Variants in DLGAP2 observed in about 807,000 individuals in gnomAD.
DLGAP2 encodes the protein DLG associated protein 2.
A neutral mutation model predicts 100.3 loss-of-function variants in DLGAP2; 26 were observed. The observed-to-expected ratio is 0.26, with a 90% CI of 0.19 to 0.36. DLGAP2 has a LOEUF of 0.36. Ranked by LOEUF, DLGAP2 falls within the 10% of genes least tolerant of loss-of-function variation. The pLI, the probability that DLGAP2 is intolerant of heterozygous loss-of-function variation, is 1.00. For missense variants in DLGAP2, 1,858 were observed against 1,453.2 expected, an observed-to-expected ratio of 1.28 and a Z score of -4.53; for synonymous variants, 886 against 630.1, an observed-to-expected ratio of 1.41 and a Z score of -6.08.
chr8:869,367 TC>T (rs1223733287), intron 1 of DLGAP2, among the ~76,000 whole-genome samples: 8 of 152,216 alleles, frequency 5.3e-5, no homozygotes, highest in Admixed American at 2.0e-4. Context: ...AGATCCTGAA[TC>T]CGAGATTTAT....
At chr8:748,459 G>A (rs553365222) in intron 1 of DLGAP2, among the ~76,000 whole-genome samples, 1 of 152,246 alleles carries the variant, frequency 6.6e-6, no homozygotes, top group East Asian at 1.9e-4. Flanking sequence ...TGGGCCATGT[G>A]GGCGTTGGTG....
intron 2 of DLGAP2, among the ~76,000 whole-genome samples, chr8:1,191,241 G>T (rs556381941): frequency 3.6e-5 from 2 of 56,254 alleles, no homozygotes; most frequent in Non-Finnish European, 9.9e-5. Context: ...GCGCGATCTC[G>T]GCTCACTGCA....
chr8:1,291,310 A>G (rs1469054315), intron 3 of DLGAP2, among the ~76,000 whole-genome samples: 1 of 152,172 alleles, frequency 6.6e-6, no homozygotes, highest in African/African-American at 2.4e-5. Context: ...TGGACTCAAG[A>G]TAAAGGGATG....
rs1799592631 is a variant in DLGAP2, at chr8:1,702,192, A to T, written c.*786A>T. The T allele has an allele frequency of 2.0e-5, 3 of 152,100 alleles. No homozygotes were observed. Among genetic ancestry groups the T allele is most frequent in the African/African-American group, 7.2e-5 (3 of 41,450 alleles). The allele number at this position is 152,100 out of a possible 1,614,324, so 9.4% of individuals were successfully genotyped here. On this transcript the variant is annotated 3_prime_UTR_variant, in exon 15 of 15. Transcript: ENST00000637795. Reference sequence around the variant, plus strand: ...AGGGCTGGGAGCTTAAAAGGAAAACAATGTCCTTACTTGTAAACAGTTATT... The same window carrying T: ...AGGGCTGGGAGCTTAAAAGGAAAACTATGTCCTTACTTGTAAACAGTTATT...
At chr8:1,492,221 T>A (rs567046542) in intron 3 of DLGAP2, among the ~76,000 whole-genome samples, 62 of 152,324 alleles carry the variant, frequency 4.1e-4, no homozygotes, top group African/African-American at 1.4e-3. Context: ...TAGTAATCAT[T>A]ACGGCAGTGG....
At chr8:1,346,086 C>T (rs775784334) in intron 3 of DLGAP2, among the ~76,000 whole-genome samples, 18 of 152,124 alleles carry the variant, frequency 1.2e-4, no homozygotes, top group Non-Finnish European at 1.6e-4. Flanking sequence ...GTTGAGTGCC[C>T]GGCAGAGCTG....
chr8:1,413,486 C>G (rs550167328), intron 3 of DLGAP2, among the ~76,000 whole-genome samples: 1 of 152,236 alleles, frequency 6.6e-6, no homozygotes, highest in East Asian at 1.9e-4. Context: ...CTTAGATTCT[C>G]AAAAAGTTGT....
intron 3 of DLGAP2, among the ~76,000 whole-genome samples, chr8:1,293,845 C>G (rs1422766939): frequency 1.3e-5 from 2 of 152,084 alleles, no homozygotes; most frequent in Non-Finnish European, 2.9e-5. Context: ...ATCTGTTATT[C>G]TTATTGAGCA....
chr8:1,413,866 C>G (rs1027445332), intron 3 of DLGAP2, among the ~76,000 whole-genome samples: 4 of 152,148 alleles, frequency 2.6e-5, no homozygotes, highest in East Asian at 3.9e-4. Flanking sequence ...TGCAGATGCA[C>G]AATGTCAATG....
At chr8:905,991 C>T (rs1684973145) in intron 1 of DLGAP2, among the ~76,000 whole-genome samples, 1 of 152,248 alleles carries the variant, frequency 6.6e-6, no homozygotes, top group South Asian at 2.1e-4. Context: ...TTCTTCAAGA[C>T]ATGTCTGTGG....
rs1227426141 is a variant in DLGAP2 at position 1,705,275 on chromosome 8, C to T, written c.*3869C>T. On this transcript the variant is annotated 3_prime_UTR_variant, in exon 15 of 15. Transcript: ENST00000637795. ...CCATCAAGCCAAGCCTCCTGTGGTCCTGAGCATGAAGGGGCCAGGGGACCT... is the reference window on the plus strand; with the variant it reads ...CCATCAAGCCAAGCCTCCTGTGGTCTTGAGCATGAAGGGGCCAGGGGACCT... 2.0e-5 allele frequency: 3 copies of T among 152,234 alleles called. No homozygotes were observed. 9.4% of individuals were successfully genotyped at this position (152,234 alleles called of 1,614,324 possible). A position where few individuals can be genotyped will look rare whatever the true frequency, so the allele number is the denominator to read the frequency against.
chr8:1,702,955 G>A lies in DLGAP2; in HGVS notation c.*1549G>A, dbSNP rs1799613622. ...GCTTTCGATGACCCCATAGCACTTT[G>A]TTTCTTCGCCTTGATTTGCACTTTA... is the stretch of plus-strand genomic sequence containing the variant. On this transcript the variant is annotated 3_prime_UTR_variant, in exon 15 of 15. Transcript: ENST00000637795. The A allele has an allele frequency of 1.3e-5, 2 of 152,660 alleles. No homozygotes were observed. The highest frequency in any genetic ancestry group is 4.8e-5 in the African/African-American group (2 of 41,442). 9.5% of individuals were successfully genotyped at this position (152,660 alleles called of 1,614,324 possible).
At chr8:1,287,135 T>C (rs1200836851) in intron 3 of DLGAP2, among the ~76,000 whole-genome samples, 3 of 102,442 alleles carry the variant, frequency 2.9e-5, no homozygotes, top group African/African-American at 1.1e-4. Flanking sequence ...GTTCAGCGTG[T>C]GTGTGTGTGT....
intron 3 of DLGAP2, among the ~76,000 whole-genome samples, chr8:1,491,045 TA>T (rs1799364675): frequency 1.9e-4 from 3 of 15,754 alleles, no homozygotes; most frequent in East Asian, 2.6e-3. Context: ...TTTAAAAAAA[TA>T]AAATAAAATA....
chr8:916,146 C>T (rs187363614), intron 2 of DLGAP2, among the ~76,000 whole-genome samples: 25 of 152,240 alleles, frequency 1.6e-4, no homozygotes, highest in South Asian at 2.1e-4. Context: ...GTAGACGCTC[C>T]GCACTCTCTT....
intron 2 of DLGAP2, among the ~76,000 whole-genome samples, chr8:1,178,814 G>A (rs1471127528): frequency 1.3e-5 from 2 of 152,198 alleles, no homozygotes; most frequent in Non-Finnish European, 1.5e-5. Context: ...CCCACCGCCA[G>A]CATCTGTCCA....
intron 2 of DLGAP2, among the ~76,000 whole-genome samples, chr8:934,549 C>T (rs1352607544): frequency 1.3e-5 from 2 of 152,170 alleles, no homozygotes; most frequent in African/African-American, 4.8e-5. Context: ...GAGTCAGCTG[C>T]GCCTCCCAGG....
chr8:801,838 C>T (rs1033559796), intron 1 of DLGAP2, among the ~76,000 whole-genome samples: 1 of 152,122 alleles, frequency 6.6e-6, no homozygotes, highest in African/African-American at 2.4e-5. Flanking sequence ...TTGCTCGCCA[C>T]CCAGGTGGCT....
intron 4 of DLGAP2, among the ~76,000 whole-genome samples, chr8:1,540,616 G>A (rs544062129): frequency 1.3e-5 from 2 of 152,210 alleles, no homozygotes; most frequent in Non-Finnish European, 2.9e-5. Context: ...TGGCTGCACA[G>A]CTCTGCTGCC....
Sources: gnomAD v4.1 joint callset for allele counts (sites outside exome capture counted in the v4.1 genomes callset) on GRCh38, gnomAD v4.1.1 for gene constraint, MANE v1.5 for transcripts, NCBI Gene and HGNC (gene_info 2026-07-23, HGNC 2026-07-21) for gene names.